The following TTC7B variants were observed in gnomAD, a reference collection of about 807,000 sequenced individuals.
The protein encoded by TTC7B is tetratricopeptide repeat protein 7B.
Under a neutral mutation model 106.8 loss-of-function variants are expected in TTC7B, and 28 were observed. The ratio of observed to expected loss-of-function variants is 0.26; its 90% CI spans 0.19 to 0.36. The LOEUF (loss-of-function observed/expected upper bound fraction) is 0.36, where lower values mean the gene tolerates loss of function less well. Among genes scored for constraint, TTC7B ranks in the 10% least tolerant of loss-of-function variants. TTC7B has a pLI of 1.00. For synonymous variants in TTC7B, 405 were observed against 430.6 expected (o/e 0.94, Z 0.74); for missense variants, 862 against 1,076.4 (o/e 0.80, Z 2.79).
intron 19 of TTC7B, among the ~76,000 whole-genome samples, chr14:90,554,023 C>A (rs1352984804): frequency 6.6e-6 from 1 of 152,202 alleles, no homozygotes; most frequent in Non-Finnish European, 1.5e-5. Context: ...GGCAGCCTGG[C>A]CAGAAGCCAA....
intron 3 of TTC7B, chr14:90,766,419 A>T: frequency 1.8e-6 from 1 of 546,568 alleles, no homozygotes; most frequent in Non-Finnish European, 3.3e-6. Flanking sequence ...GAAAGTCAAG[A>T]AAATGATGTA....
intron 19 of TTC7B, among the ~76,000 whole-genome samples, chr14:90,576,854 T>C (rs1891278757): frequency 6.6e-6 from 1 of 152,248 alleles, no homozygotes; most frequent in Non-Finnish European, 1.5e-5. Context: ...TGGGATGCTT[T>C]GGGGAACATT....
At chr14:90,640,622 T>C (rs1885132188) in intron 15 of TTC7B, among the ~76,000 whole-genome samples, 1 of 152,230 alleles carries the variant, frequency 6.6e-6, no homozygotes, top group Non-Finnish European at 1.5e-5. Flanking sequence ...TTATTCCATA[T>C]TTAAGAACAA....
In TTC7B at chr14:90,534,569, A is replaced by C. The variant is rs1190314163; in HGVS notation, c.*6799T>G. The C allele has an allele frequency of 1.3e-5, 2 of 152,462 alleles. No individual in the cohort carries two copies. The highest frequency in any genetic ancestry group is 2.4e-5 in the African/African-American group (1 of 41,410). The allele number at this position is 152,462 out of a possible 1,614,324, so 9.4% of individuals were successfully genotyped here. ...GGTGTCCCCTCACTGGGCAATGCCC[A>C]CCCTGTCGGCCTTGAGAGGTGGTGG... On this transcript the variant is annotated 3_prime_UTR_variant, in exon 20 of 20. Coordinates refer to ENST00000328459, the MANE Select transcript of TTC7B (RefSeq NM_001010854.2).
Position 90,742,910 on chromosome 14 carries a change from G to A in TTC7B, c.576+1882C>T, listed in dbSNP as rs936721443. Among the ~76,000 whole-genome samples the A allele has an allele frequency of 1.3e-5, 2 of 152,176 alleles. No homozygotes were observed. The highest frequency in any genetic ancestry group is 2.4e-5 in the African/African-American group (1 of 41,428). On this transcript the variant is annotated intron_variant, in intron 4 of 19. Transcript: ENST00000328459. This position sits in a 1 kb window ranked among gnomAD's most constrained non-coding sequence, Gnocchi z 4.1. ...GAGAAGACGGCTCCAAAGTGACAGG[G>A]CTGGACAACAGTGGAGAGTAAGCAG... is the stretch of plus-strand genomic sequence containing the variant.
At chr14:90,597,657 T>TAA (rs1192361910) in intron 17 of TTC7B, among the ~76,000 whole-genome samples, 2 of 142,378 alleles carry the variant, frequency 1.4e-5, no homozygotes, top group African/African-American at 5.2e-5. Context: ...AGATTCCATC[T>TAA]AAAAAAAAAA....
At chr14:90,602,055 G>T in intron 17 of TTC7B, 1 of 453,692 alleles carries the variant, frequency 2.2e-6, no homozygotes, top group Non-Finnish European at 4.4e-6. Flanking sequence ...GGCACATCTA[G>T]GTTGAGCTGG....
intron 19 of TTC7B, among the ~76,000 whole-genome samples, chr14:90,571,169 G>T (rs1304717062): frequency 6.6e-6 from 1 of 152,166 alleles, no homozygotes; most frequent in Non-Finnish European, 1.5e-5. Context: ...GACATATGAG[G>T]CTTCAAAGTT....
At chr14:90,586,541 A>G (rs1891722231) in intron 18 of TTC7B, among the ~76,000 whole-genome samples, 1 of 152,108 alleles carries the variant, frequency 6.6e-6, no homozygotes. Flanking sequence ...AACTGCTGGG[A>G]TTACAGGCAT....
chr14:90,702,570 A>C (rs562652674), intron 5 of TTC7B, among the ~76,000 whole-genome samples: 1 of 152,234 alleles, frequency 6.6e-6, no homozygotes, highest in Admixed American at 6.5e-5. Flanking sequence ...TCTGTTTTCC[A>C]GTCAATTTAT....
At chr14:90,690,600 T>C (rs2139939794) in intron 6 of TTC7B, among the ~76,000 whole-genome samples, 1 of 152,202 alleles carries the variant, frequency 6.6e-6, no homozygotes, top group East Asian at 1.9e-4. Context: ...GGATAAGTAA[T>C]TTAAAAAAAA....
chr14:90,611,148 G>A (rs1050176260), intron 16 of TTC7B, among the ~76,000 whole-genome samples: 2 of 152,082 alleles, frequency 1.3e-5, no homozygotes, highest in Non-Finnish European at 2.9e-5. Context: ...CACCTTACAG[G>A]GGGAAACCGA....
intron 11 of TTC7B, among the ~76,000 whole-genome samples, chr14:90,656,433 G>T (rs1885950730): frequency 6.6e-6 from 1 of 152,104 alleles, no homozygotes; most frequent in Non-Finnish European, 1.5e-5. Flanking sequence ...ATTTTCTGAG[G>T]TACTAGAATT....
intron 15 of TTC7B, among the ~76,000 whole-genome samples, chr14:90,635,622 T>C (rs1884900377): frequency 6.6e-6 from 1 of 151,736 alleles, no homozygotes; most frequent in Non-Finnish European, 1.5e-5. Flanking sequence ...TAGCCAGGTA[T>C]GGTGGTGGAC....
At chr14:90,765,727 T>C (rs921464541) in intron 3 of TTC7B, among the ~76,000 whole-genome samples, 1 of 152,144 alleles carries the variant, frequency 6.6e-6, no homozygotes, top group African/African-American at 2.4e-5. Flanking sequence ...GAAGCAAATA[T>C]AAAGCTTGCA....
At chr14:90,756,032 A>C (rs955680821) in intron 3 of TTC7B, among the ~76,000 whole-genome samples, 3 of 152,248 alleles carry the variant, frequency 2.0e-5, no homozygotes, top group African/African-American at 7.2e-5. Context: ...AATCAAACAC[A>C]GTTCACATTT....
At chr14:90,582,004 G>A (rs1455044552) in intron 18 of TTC7B, among the ~76,000 whole-genome samples, 5 of 152,214 alleles carry the variant, frequency 3.3e-5, no homozygotes, top group Admixed American at 1.3e-4. Flanking sequence ...GATAAGGCCT[G>A]TGACCCTGAC....
At chr14:90,625,122 G>A (rs889595613) in intron 15 of TTC7B, among the ~76,000 whole-genome samples, 1 of 152,230 alleles carries the variant, frequency 6.6e-6, no homozygotes, top group Non-Finnish European at 1.5e-5. Context: ...AGGCTGAAGG[G>A]GGCAGGGGGC....
At chr14:90,681,599 C>T (rs1435989733) in intron 7 of TTC7B, among the ~76,000 whole-genome samples, 3 of 152,124 alleles carry the variant, frequency 2.0e-5, no homozygotes, top group Admixed American at 1.3e-4. Flanking sequence ...AGGAATGCAG[C>T]GCCTGGTATT....
Sources: gnomAD v4.1 joint callset for allele counts (sites outside exome capture counted in the v4.1 genomes callset) on GRCh38, gnomAD v4.1.1 for gene constraint, Gnocchi (gnomAD v3.1) non-coding constraint, MANE v1.5 for transcripts, NCBI Gene and HGNC (gene_info 2026-07-23, HGNC 2026-07-21) for gene names.